Variants in NUP210L observed in about 807,000 individuals in gnomAD.
The protein encoded by NUP210L is nuclear pore membrane glycoprotein 210-like.
NUP210L carries 74 observed loss-of-function variants against 208.5 expected under a neutral mutation model. The ratio of observed to expected loss-of-function variants is 0.35; its 90% CI spans 0.29 to 0.43. The LOEUF (loss-of-function observed/expected upper bound fraction) is 0.43. Among genes scored for constraint, NUP210L ranks in the 20% least tolerant of loss-of-function variants. NUP210L has a pLI of 1.00. For synonymous variants in NUP210L, 780 were observed against 816.9 expected (o/e 0.95, Z 0.77); for missense variants, 1,843 against 2,289.4 (o/e 0.81, Z 3.98).
intron 28 of NUP210L, 105 bp from the exon 29 acceptor site, chr1:154,027,702 G>A (rs1319488314): frequency 4.5e-6 from 3 of 669,838 alleles, no homozygotes; most frequent in Non-Finnish European, 7.7e-6. Context: ...GCAAATAAAT[G>A]ACAACTACGA....
intron 12 of NUP210L, among the ~76,000 whole-genome samples, chr1:154,110,392 C>A (rs1399091977): frequency 5.3e-5 from 8 of 150,480 alleles, no homozygotes; most frequent in Non-Finnish European, 1.2e-4. Flanking sequence ...CTGCCTCAGC[C>A]TCCTGAGTAG....
chr1:154,082,272 G>T (rs935229546), intron 16 of NUP210L, among the ~76,000 whole-genome samples: 5 of 152,190 alleles, frequency 3.3e-5, no homozygotes, highest in Non-Finnish European at 5.9e-5. Context: ...GGGCAGTCTT[G>T]TTGGGAACTG....
At chr1:154,116,153 G>T (rs372727850) in intron 12 of NUP210L, among the ~76,000 whole-genome samples, 3 of 151,924 alleles carry the variant, frequency 2.0e-5, no homozygotes, top group African/African-American at 7.2e-5. Flanking sequence ...TACTCGGGAG[G>T]CTGAGGCAGG....
chr1:154,071,693 T>A (rs1654741354), intron 16 of NUP210L, among the ~76,000 whole-genome samples: 2 of 143,804 alleles, frequency 1.4e-5, no homozygotes, highest in African/African-American at 5.2e-5. Context: ...TGGAGTGCAG[T>A]GGCACAATTT....
At chr1:154,022,295 C>T (rs774701850) in exon 32 of NUP210L, 10 of 1,614,098 alleles carry the variant, frequency 6.2e-6, no homozygotes, top group Non-Finnish European at 8.5e-6. Flanking sequence ...CAGCCTGGGC[C>T]ATGTAAGTAT....
In NUP210L at chr1:153,996,550, T is replaced by G. The variant is rs539427481; in HGVS notation, c.5387-1370A>C. ...AATTCTTTTGTCTCAGCCTCCCTAG[T>G]AGCTGGCATTACAGGTGCCCACCAC... On this transcript the variant is annotated intron_variant, in intron 37 of 39. Transcript: ENST00000368559. Among the ~76,000 whole-genome samples the G allele has an allele frequency of 2.0e-5, 3 of 152,156 alleles. No homozygotes were observed. In the East Asian group the frequency reaches 5.9e-4, roughly 30 times the overall value.
chr1:154,004,824 C>CT (rs1253177744), intron 35 of NUP210L, among the ~76,000 whole-genome samples: 4 of 143,036 alleles, frequency 2.8e-5, no homozygotes, highest in Non-Finnish European at 4.6e-5. Context: ...TTCCTCTTTT[C>CT]TTTTTTTCTT....
At chr1:153,992,701 A>G in exon 40 of NUP210L, 1 of 658,564 alleles carries the variant, frequency 1.5e-6, no homozygotes, top group Non-Finnish European at 2.6e-6. Context: ...TTTAAGAAAC[A>G]GCTTAGGATG....
chr1:154,021,490 T>A (rs1651560644), intron 32 of NUP210L, among the ~76,000 whole-genome samples: 1 of 150,666 alleles, frequency 6.6e-6, no homozygotes. Flanking sequence ...TGAGACTCTG[T>A]CTCTAAAAAA....
intron 35 of NUP210L, 88 bp downstream of exon 35, chr1:154,009,884 C>A: frequency 9.4e-7 from 1 of 1,061,050 alleles, no homozygotes; most frequent in South Asian, 2.1e-5. Flanking sequence ...GATGAAACTA[C>A]AGATATAAAT....
At chr1:154,049,824 A>C (rs1653387735) in intron 25 of NUP210L, among the ~76,000 whole-genome samples, 1 of 152,182 alleles carries the variant, frequency 6.6e-6, no homozygotes, top group Non-Finnish European at 1.5e-5. Flanking sequence ...CTATCCCCTT[A>C]GCTTAGCAAG....
chr1:154,002,050 G>C (rs1057073898), intron 35 of NUP210L, 65 bp from the exon 36 acceptor site: 4 of 1,508,808 alleles, frequency 2.7e-6, no homozygotes, highest in Non-Finnish European at 3.6e-6. Context: ...AACTGAATTA[G>C]GATAGGAAGG....
intron 34 of NUP210L, among the ~76,000 whole-genome samples, chr1:154,010,396 T>C (rs1650839483): frequency 6.6e-6 from 1 of 152,084 alleles, no homozygotes; most frequent in Admixed American, 6.6e-5. Context: ...ATCTTTGAGA[T>C]GAAGTCTTGC....
At chr1:154,102,403 G>A (rs1656515882) in intron 13 of NUP210L, among the ~76,000 whole-genome samples, 1 of 152,084 alleles carries the variant, frequency 6.6e-6, no homozygotes, top group Admixed American at 6.6e-5. Flanking sequence ...ATGATGACCA[G>A]AAGTAAGAAT....
intron 29 of NUP210L, among the ~76,000 whole-genome samples, chr1:154,027,106 A>C (rs1348768431): frequency 6.6e-6 from 1 of 151,024 alleles, no homozygotes; most frequent in African/African-American, 2.5e-5. Flanking sequence ...ACAAAAAAAA[A>C]AAAACAAAAA....
chr1:154,140,958 C>T (rs1473831805), intron 4 of NUP210L, among the ~76,000 whole-genome samples: 2 of 148,314 alleles, frequency 1.3e-5, no homozygotes, highest in African/African-American at 2.5e-5. Context: ...CACGCCACTG[C>T]ACTCCAGCCT....
In NUP210L at chr1:153,993,288, C is replaced by T. The variant is rs559064039; in HGVS notation, c.5492-199G>A. On this transcript the variant is annotated intron_variant, in intron 38 of 39. Transcript: ENST00000368559. ...TTTTGGCTGAAAGGGGGAAAATGGC[C>T]GGGCACGGTGGCTCACGCCTGTAAT... is the stretch of plus-strand genomic sequence containing the variant. Among the ~76,000 whole-genome samples, 5 of 152,224 alleles carry T rather than the reference C, an allele frequency of 3.3e-5. No individual in the cohort carries two copies. In the East Asian group the frequency reaches 5.8e-4, roughly 18 times the overall value.
In NUP210L at chr1:154,126,314, A is replaced by G. The variant is rs1557995938; in HGVS notation, c.1326+9T>C. On this transcript the variant is annotated intron_variant, in intron 10 of 39. Coordinates refer to ENST00000368559, the Ensembl canonical transcript of NUP210L. ...CTTAGAATACAAACACTGTCTGTTT[A>G]ATTCCTACCTGGTAAATGATGGAGG... is the stretch of plus-strand genomic sequence containing the variant. The G allele has an allele frequency of 6.2e-7, 1 of 1,607,060 alleles. No individual in the cohort carries two copies. The highest frequency in any genetic ancestry group is 8.5e-7 in the Non-Finnish European group (1 of 1,177,560).
At chr1:154,082,291 A>T (rs1436551465) in intron 16 of NUP210L, among the ~76,000 whole-genome samples, 1 of 152,188 alleles carries the variant, frequency 6.6e-6, no homozygotes, top group African/African-American at 2.4e-5. Flanking sequence ...TGTGCCTTTA[A>T]AACCGTGGAG....
Sources: allele counts gnomAD v4.1 joint callset (sites outside exome capture counted in the v4.1 genomes callset), GRCh38; gene constraint gnomAD v4.1.1; transcripts MANE v1.5; gene names NCBI Gene and HGNC (gene_info 2026-07-23, HGNC 2026-07-21).